Variants in SBF2 observed in about 807,000 individuals in gnomAD.
The protein encoded by SBF2 is SET binding factor 2.
In SBF2, 112 loss-of-function variants were observed where a neutral mutation model predicts 225.2. That is an observed-to-expected ratio of 0.50 (90% CI 0.43 to 0.58). The LOEUF is 0.58. Ranked by LOEUF, SBF2 falls within the 20% of genes least tolerant of loss-of-function variation. The pLI is 0.00. For synonymous variants in SBF2, 763 were observed against 773.3 expected, an observed-to-expected ratio of 0.99 and a Z score of 0.22; for missense variants, 1,996 against 2,206.2, an observed-to-expected ratio of 0.90 and a Z score of 1.91.
chr11:9,804,468 A>G (rs1159776278), intron 32 of SBF2, among the ~76,000 whole-genome samples: 2 of 152,196 alleles, frequency 1.3e-5, no homozygotes, highest in Non-Finnish European at 2.9e-5. Flanking sequence ...TTAAAAATAA[A>G]ATTTCCCTAC....
rs373552790 is a variant in SBF2, at chr11:10,166,961, C to CCACACA, written c.141+26935_141+26940dup. On this transcript the variant is annotated intron_variant, in intron 2 of 39. Transcript: ENST00000256190. Reference sequence around the variant, plus strand: ...TGGGCAACAGAGCAAGACTCTGTCTCCACACACACACACACACACACACAC... The same window carrying CCACACA: ...TGGGCAACAGAGCAAGACTCTGTCTCCACACACACACACACACACACACACACACAC... Among the ~76,000 whole-genome samples, 1,110 of 125,964 alleles carry CCACACA rather than the reference C, an allele frequency of 8.8e-3. 17 individuals carry two copies. The highest frequency in any genetic ancestry group is 0.033 in the African/African-American group (1,014 of 31,192). 82.6% of individuals were successfully genotyped at this position (125,964 alleles called of 152,430 possible). A position where few individuals can be genotyped will look rare whatever the true frequency, so the allele number is the denominator to read the frequency against.
At chr11:9,925,929 C>G (rs1384458864) in intron 16 of SBF2, among the ~76,000 whole-genome samples, 2 of 151,756 alleles carry the variant, frequency 1.3e-5, no homozygotes, top group African/African-American at 4.8e-5. Context: ...GTCAGTCTCC[C>G]CAGGCTAAAA....
intron 16 of SBF2, among the ~76,000 whole-genome samples, chr11:9,933,587 A>C (rs984955070): frequency 6.6e-6 from 1 of 152,232 alleles, no homozygotes; most frequent in African/African-American, 2.4e-5. Flanking sequence ...TGAAGGCAGA[A>C]ATAAAGATGT....
At chr11:10,284,898 C>G (rs11042718) in intron 1 of SBF2, among the ~76,000 whole-genome samples, 5,670 of 151,490 alleles carry the variant, frequency 0.037, 395 homozygotes, top group East Asian at 0.22. Flanking sequence ...CAGGTGTGAG[C>G]CAACTGCACC....
intron 16 of SBF2, among the ~76,000 whole-genome samples, chr11:9,926,945 G>A (rs1322452171): frequency 1.3e-5 from 2 of 151,988 alleles, no homozygotes; most frequent in African/African-American, 4.8e-5. Flanking sequence ...GAAAATCAAT[G>A]AAACCCGAAA....
At chr11:10,075,833 G>C (rs768209565) in intron 2 of SBF2, among the ~76,000 whole-genome samples, 17 of 152,026 alleles carry the variant, frequency 1.1e-4, no homozygotes, top group Non-Finnish European at 1.8e-4. Flanking sequence ...GAATGCAACA[G>C]AGGACACCTC....
intron 2 of SBF2, among the ~76,000 whole-genome samples, chr11:10,049,760 T>G (rs1172260664): frequency 2.0e-5 from 3 of 152,204 alleles, no homozygotes; most frequent in African/African-American, 7.2e-5. Context: ...GGTGTTAACA[T>G]GTAACTATCC....
chr11:9,848,763 T>A (rs1478407977), intron 22 of SBF2, among the ~76,000 whole-genome samples: 5 of 152,246 alleles, frequency 3.3e-5, no homozygotes, highest in Non-Finnish European at 7.3e-5. Context: ...GCTAAGACAC[T>A]TTTCTCCTTT....
chr11:10,230,333 G>A (rs1591268004), intron 1 of SBF2, among the ~76,000 whole-genome samples: 1 of 152,294 alleles, frequency 6.6e-6, no homozygotes, highest in Non-Finnish European at 1.5e-5. Context: ...ATTGTTATGT[G>A]TGAATTTGAT....
intron 2 of SBF2, among the ~76,000 whole-genome samples, chr11:10,084,041 A>G (rs1951462338): frequency 6.6e-6 from 1 of 152,222 alleles, no homozygotes; most frequent in Admixed American, 6.5e-5. Context: ...AGCAAAAGAA[A>G]TAATCAACAG....
intron 17 of SBF2, 54 bp downstream of exon 17, chr11:9,895,889 T>A (rs1861211143): frequency 6.9e-6 from 9 of 1,305,442 alleles, no homozygotes; most frequent in Non-Finnish European, 1.0e-5. Context: ...TAAATCAAAC[T>A]GAATACATTT....
At chr11:10,004,595 A>C (rs1330120265) in intron 6 of SBF2, among the ~76,000 whole-genome samples, 3 of 146,298 alleles carry the variant, frequency 2.1e-5, no homozygotes, top group African/African-American at 5.0e-5. Context: ...AAAAAAAAAA[A>C]CAAACTACAT....
intron 28 of SBF2, chr11:9,827,985 C>G: frequency 5.0e-6 from 2 of 400,424 alleles, no homozygotes; most frequent in South Asian, 4.7e-5. Context: ...GCTAGTAATA[C>G]ATTTGACCAT....
intron 1 of SBF2, among the ~76,000 whole-genome samples, chr11:10,196,198 C>G (rs78383920): frequency 6.6e-6 from 1 of 152,180 alleles, no homozygotes; most frequent in Admixed American, 6.5e-5. Context: ...ATAGTCTATA[C>G]TGAGTAAAAT....
intron 17 of SBF2, 22 bp downstream of exon 17, chr11:9,895,921 T>C (rs758558673): frequency 6.5e-7 from 1 of 1,541,844 alleles, no homozygotes; most frequent in South Asian, 1.1e-5. Flanking sequence ...AACAAGCTTA[T>C]ATATGGACCA....
chr11:10,255,726 T>C (rs894159109), intron 1 of SBF2, among the ~76,000 whole-genome samples: 1 of 152,174 alleles, frequency 6.6e-6, no homozygotes, highest in African/African-American at 2.4e-5. Context: ...AAAAGCATTT[T>C]TGCTGAATCA....
intron 16 of SBF2, among the ~76,000 whole-genome samples, chr11:9,931,610 A>C (rs181708145): frequency 1.4e-3 from 206 of 152,354 alleles, no homozygotes; most frequent in African/African-American, 4.8e-3. Context: ...ATCTACACCA[A>C]AACCCCATCT....
chr11:10,108,912 T>C (rs1565238542), intron 2 of SBF2, among the ~76,000 whole-genome samples: 1 of 152,138 alleles, frequency 6.6e-6, no homozygotes, highest in Non-Finnish European at 1.5e-5. Context: ...CCAAATAAAT[T>C]AATGTTCCCA....
At chr11:9,981,313 A>T (rs1290368428) in intron 13 of SBF2, among the ~76,000 whole-genome samples, 1 of 152,216 alleles carries the variant, frequency 6.6e-6, no homozygotes, top group East Asian at 1.9e-4. Flanking sequence ...AGGGGAGGAA[A>T]GGAGTAGGGA....
Sources: allele counts gnomAD v4.1 joint callset (sites outside exome capture counted in the v4.1 genomes callset), GRCh38; gene constraint gnomAD v4.1.1; transcripts MANE v1.5; gene names NCBI Gene and HGNC (gene_info 2026-07-23, HGNC 2026-07-21).